The following EPM2A variants were observed in gnomAD, a reference collection of about 807,000 sequenced individuals.
EPM2A encodes the protein laforin.
In EPM2A, 21 loss-of-function variants were observed where a neutral mutation model predicts 26.5. The ratio of observed to expected loss-of-function variants is 0.79; its 90% CI spans 0.56 to 1.14. EPM2A has a LOEUF of 1.14. Among genes scored for constraint, EPM2A ranks in the 50% most tolerant of loss-of-function variants. The pLI is 0.00. For missense variants in EPM2A, 458 were observed against 440.8 expected, an observed-to-expected ratio of 1.04 and a Z score of -0.35; for synonymous variants, 217 against 177.6, an observed-to-expected ratio of 1.22 and a Z score of -1.76.
At chr6:145,647,745 G>A (rs1238338872) in intron 2 of EPM2A, among the ~76,000 whole-genome samples, 4 of 152,062 alleles carry the variant, frequency 2.6e-5, no homozygotes, top group Non-Finnish European at 5.9e-5. Flanking sequence ...GGAAGAGGAA[G>A]GGAAGAAGGA....
At chr6:145,618,342 G>C (rs1357250574) in intron 2 of EPM2A, among the ~76,000 whole-genome samples, 2 of 152,184 alleles carry the variant, frequency 1.3e-5, no homozygotes, top group Non-Finnish European at 2.9e-5. Flanking sequence ...TTTGGGAGAT[G>C]GTTATAAGAA....
intron 4 of EPM2A, among the ~76,000 whole-genome samples, chr6:145,433,332 C>T (rs1778945476): frequency 6.6e-6 from 1 of 152,070 alleles, no homozygotes; most frequent in Non-Finnish European, 1.5e-5. Context: ...AAAGCTTTCA[C>T]CGGGCTTAGT....
At chr6:145,678,655 A>T (rs1780254816) in intron 2 of EPM2A, among the ~76,000 whole-genome samples, 1 of 152,182 alleles carries the variant, frequency 6.6e-6, no homozygotes, top group Non-Finnish European at 1.5e-5. Flanking sequence ...AAAAATGTTC[A>T]TCATCCCTGG....
Position 145,443,276 on chromosome 6 carries a change from GGTA to G in EPM2A, c.556-59182_556-59180del, listed in dbSNP as rs558153181. Among the ~76,000 whole-genome samples, 10 of 152,260 alleles carry G rather than the reference GGTA, an allele frequency of 6.6e-5. 1 individual carries two copies. In the East Asian group the frequency reaches 1.9e-3, roughly 29 times the overall value. ...TTCTAGTTCCGTGAAGAATGACATTGGTAGTTTGATAGGAATAGCATTGAATCC... is the reference window on the plus strand; with the variant it reads ...TTCTAGTTCCGTGAAGAATGACATTGGTTTGATAGGAATAGCATTGAATCC... On this transcript the variant is annotated intron_variant, in intron 4 of 4. Transcript: ENST00000638717.
intron 1 of EPM2A, among the ~76,000 whole-genome samples, chr6:145,725,887 A>T (rs1776180295): frequency 6.6e-6 from 1 of 152,080 alleles, no homozygotes; most frequent in African/African-American, 2.4e-5. Context: ...TTTATATTAC[A>T]AAGAATATAT....
chr6:145,582,960 A>G (rs1460074077), intron 2 of EPM2A, among the ~76,000 whole-genome samples: 1 of 152,164 alleles, frequency 6.6e-6, no homozygotes, highest in African/African-American at 2.4e-5. Flanking sequence ...TAATTCTTGC[A>G]GTTTCATTAC....
intron 2 of EPM2A, among the ~76,000 whole-genome samples, chr6:145,518,125 G>A (rs1168373755): frequency 6.6e-6 from 1 of 152,122 alleles, no homozygotes; most frequent in East Asian, 1.9e-4. Flanking sequence ...GCTTATTTCT[G>A]GAAAGTGGCC....
At chr6:145,629,858 T>C (rs1776114905) in intron 3 of EPM2A, 1 of 152,356 alleles carries the variant, frequency 6.6e-6, no homozygotes, top group Non-Finnish European at 1.5e-5. Context: ...ACAGTGGTCA[T>C]TTGCAGTAGG....
intron 4 of EPM2A, among the ~76,000 whole-genome samples, chr6:145,391,920 G>A (rs943695486): frequency 6.6e-6 from 1 of 150,924 alleles, no homozygotes; most frequent in Non-Finnish European, 1.5e-5. Flanking sequence ...CTTAGGTGGG[G>A]GGCAGGTGGT....
intron 4 of EPM2A, among the ~76,000 whole-genome samples, chr6:145,404,894 G>A (rs1044822973): frequency 6.6e-6 from 1 of 152,112 alleles, no homozygotes; most frequent in African/African-American, 2.4e-5. Context: ...TAACCTGGAA[G>A]TGTGATTTTG....
At chr6:145,567,259 T>TAAGGAA (rs1780896393) in intron 2 of EPM2A, among the ~76,000 whole-genome samples, 1 of 152,190 alleles carries the variant, frequency 6.6e-6, no homozygotes, top group East Asian at 1.9e-4. Context: ...AGTTCTTCCT[T>TAAGGAA]AAGAACTGTA....
intron 2 of EPM2A, among the ~76,000 whole-genome samples, chr6:145,531,058 G>A (rs573878535): frequency 6.6e-6 from 1 of 152,284 alleles, no homozygotes; most frequent in Admixed American, 6.5e-5. Context: ...CTCCACTATG[G>A]GAGTTCCGTC....
chr6:145,735,340 G>A lies in EPM2A; in HGVS notation c.159C>T (p.Ala53=), dbSNP rs2235482. The A allele has an allele frequency of 9.4e-6, 13 of 1,389,188 alleles. No homozygotes were observed. The highest frequency in any genetic ancestry group is 8.6e-5 in the South Asian group (6 of 69,392). 86.1% of individuals were successfully genotyped at this position (1,389,188 alleles called of 1,614,324 possible). A position where few individuals can be genotyped will look rare whatever the true frequency, so the allele number is the denominator to read the frequency against. The change falls in exon 1 of 4, where the codon GCC becomes GCT. Residue 53 remains alanine, a synonymous_variant. Transcript: ENST00000367519. ...CGAGCCACAGGCCCGGCTCCTGCAG[G>A]GCCAGGGCCCCGTCGCCCGCCGCGG... ...AGTAAGDGAL[A]LQEPGLWLGE... is the part of the protein sequence containing the mutation.
rs1775805528 is a variant in EPM2A at position 145,626,331 on chromosome 6, G to C, written c.*1085C>G. On this transcript the variant is annotated 3_prime_UTR_variant, in exon 4 of 4. Coordinates refer to ENST00000367519, the MANE Select transcript of EPM2A (RefSeq NM_005670.4). ...TTATACTAAATTGAGAGCTGAGCCA[G>C]GATGGCCAAGGCTGTGAAGCAATTA... 4.1e-6 allele frequency: 4 copies of C among 985,914 alleles called. No individual in the cohort carries two copies. Among genetic ancestry groups the C allele is most frequent in the Admixed American group, 6.1e-5 (1 of 16,284 alleles). 61.1% of individuals were successfully genotyped at this position (985,914 alleles called of 1,614,324 possible).
intron 1 of EPM2A, among the ~76,000 whole-genome samples, chr6:145,710,223 C>G (rs973801374): frequency 2.8e-4 from 42 of 151,982 alleles, no homozygotes; most frequent in Non-Finnish European, 4.7e-4. Context: ...ACTCATCTGA[C>G]AAAGGGCTAA....
intron 4 of EPM2A, among the ~76,000 whole-genome samples, chr6:145,444,340 T>A (rs975903722): frequency 2.6e-5 from 4 of 152,266 alleles, no homozygotes; most frequent in African/African-American, 4.8e-5. Flanking sequence ...AATCCTTTTC[T>A]GCATTGAGAT....
At chr6:145,735,596 G>C, upstream of EPM2A, 1 of 1,082,492 alleles carries the variant, frequency 9.2e-7, no homozygotes. Context: ...GCGGTGGTGT[G>C]GGAGCCCCGG....
chr6:145,705,872 C>A (rs754601491), intron 1 of EPM2A: 1 of 456,442 alleles, frequency 2.2e-6, no homozygotes, highest in Non-Finnish European at 4.4e-6. Context: ...AAACAGTAAT[C>A]GCCTGCCATG....
intron 2 of EPM2A, among the ~76,000 whole-genome samples, chr6:145,604,841 C>T (rs972036822): frequency 1.3e-5 from 2 of 152,046 alleles, no homozygotes; most frequent in Non-Finnish European, 1.5e-5. Flanking sequence ...GTCCCTTAGT[C>T]AACAATATAA....
Sources: gnomAD v4.1 joint callset for allele counts (sites outside exome capture counted in the v4.1 genomes callset) on GRCh38, gnomAD v4.1.1 for gene constraint, MANE v1.5 for transcripts, NCBI Gene and HGNC (gene_info 2026-07-23, HGNC 2026-07-21) for gene names.